The following HAT1 variants were observed in gnomAD, a reference collection of about 807,000 sequenced individuals.
HAT1 encodes the protein histone acetyltransferase type B catalytic subunit.
HAT1 carries 20 observed loss-of-function variants against 56.6 expected under a neutral mutation model. That is an observed-to-expected ratio of 0.35 (90% CI 0.25 to 0.51). The LOEUF is 0.51. Ranked by LOEUF, HAT1 falls within the 20% of genes least tolerant of loss-of-function variation. The pLI, the probability that HAT1 is intolerant of heterozygous loss-of-function variation, is 0.95. For missense variants in HAT1, 408 were observed against 504.3 expected (o/e 0.81, Z 1.83); for synonymous variants, 146 against 165.5 (o/e 0.88, Z 0.91).
intron 10 of HAT1, among the ~76,000 whole-genome samples, chr2:171,982,235 A>G (rs1489150198): frequency 1.3e-5 from 2 of 152,194 alleles, no homozygotes; most frequent in African/African-American, 4.8e-5. Context: ...GTGGTGGCTC[A>G]TGGCTGTAAT....
intron 9 of HAT1, among the ~76,000 whole-genome samples, chr2:171,977,551 ATATATATT>A (rs1193273773): frequency 7.4e-5 from 1 of 13,428 alleles, no homozygotes; most frequent in Non-Finnish European, 1.3e-4. Flanking sequence ...ATATATATAT[ATATATATT>A]TTTTTTTTTT....
intron 2 of HAT1, among the ~76,000 whole-genome samples, chr2:171,943,092 T>TA (rs1405512110): frequency 6.7e-6 from 1 of 150,374 alleles, no homozygotes; most frequent in East Asian, 2.0e-4. Context: ...TTTTTTTAAC[T>TA]ATTACAGGCA....
intron 4 of HAT1, among the ~76,000 whole-genome samples, chr2:171,954,992 G>C (rs1300582904): frequency 6.6e-6 from 1 of 152,188 alleles, no homozygotes; most frequent in Non-Finnish European, 1.5e-5. Flanking sequence ...CTAGAAGCTG[G>C]AAGAAGAAAG....
rs138864646 is a variant in HAT1 at position 171,944,924 on chromosome 2, C to T, written c.113-1784C>T. Among the ~76,000 whole-genome samples the T allele has an allele frequency of 8.9e-4, 136 of 152,090 alleles. 2 individuals carry two copies. The East Asian group carries it at 0.019, about 21-fold the overall frequency. ...TCTCGCTCGATCACCCAGGCTGGAG[C>T]GCAGTGGCACAATCTCAGCTCAATG... is the stretch of plus-strand genomic sequence containing the variant. On this transcript the variant is annotated intron_variant, in intron 2 of 10. Coordinates refer to ENST00000264108, the MANE Select transcript of HAT1 (RefSeq NM_003642.4).
At chr2:171,932,289 A>G (rs1233299008) in intron 2 of HAT1, among the ~76,000 whole-genome samples, 1 of 152,142 alleles carries the variant, frequency 6.6e-6, no homozygotes, top group Non-Finnish European at 1.5e-5. Context: ...CTGGCCTCAT[A>G]AAATGAGTTG....
chr2:171,930,519 G>A (rs1686715467), intron 2 of HAT1, among the ~76,000 whole-genome samples: 1 of 152,182 alleles, frequency 6.6e-6, no homozygotes, highest in Non-Finnish European at 1.5e-5. Flanking sequence ...TTTTATGTGT[G>A]TGCATGTGCA....
intron 1 of HAT1, chr2:171,924,712 TCTTC>T (rs1686537342): frequency 6.6e-6 from 1 of 152,236 alleles, no homozygotes; most frequent in Admixed American, 6.5e-5. Flanking sequence ...CCCCTGTTCC[TCTTC>T]CTTCTTTCTT....
chr2:171,934,661 A>G (rs1411151201), intron 2 of HAT1, among the ~76,000 whole-genome samples: 2 of 151,998 alleles, frequency 1.3e-5, no homozygotes, highest in African/African-American at 2.4e-5. Context: ...GCCCACTTCA[A>G]GTTAGTTCTC....
In HAT1 at chr2:171,966,913, T is replaced by C; in HGVS notation, c.787T>C (p.Tyr263His). The C allele has an allele frequency of 1.3e-6, 2 of 1,576,842 alleles. No homozygotes were observed. Among genetic ancestry groups the C allele is most frequent in the Non-Finnish European group, 1.7e-6 (2 of 1,147,186 alleles). ...GAQLLETVHRYYTEFPTVLDI... is the reference protein window; with the variant it reads ...GAQLLETVHRHYTEFPTVLDI... ...TCAACTTCTTGAAACAGTTCATAGA[T>C]ACTACACTGAATTTCCTACAGTTCT... is the stretch of plus-strand genomic sequence containing the variant. Residue 263 changes from tyrosine (Y) to histidine (H), a missense_variant, in exon 8 of 11, where the codon TAC becomes CAC. Coordinates refer to ENST00000264108, the MANE Select transcript of HAT1 (RefSeq NM_003642.4).
intron 8 of HAT1, among the ~76,000 whole-genome samples, chr2:171,971,575 G>C (rs1687817156): frequency 6.6e-6 from 1 of 152,054 alleles, no homozygotes; most frequent in Admixed American, 6.5e-5. Flanking sequence ...GAATTGCCTT[G>C]GTACTTTTCT....
intron 2 of HAT1, among the ~76,000 whole-genome samples, chr2:171,932,699 C>A (rs182386357): frequency 6.6e-6 from 1 of 151,994 alleles, no homozygotes; most frequent in African/African-American, 2.4e-5. Flanking sequence ...GAGATCTCAA[C>A]AATAAAATAA....
At chr2:171,950,950 C>T (rs1222105636) in intron 3 of HAT1, among the ~76,000 whole-genome samples, 1 of 152,072 alleles carries the variant, frequency 6.6e-6, no homozygotes. Flanking sequence ...GCTGGGGTTA[C>T]AGGCGCCTGC....
intron 9 of HAT1, among the ~76,000 whole-genome samples, chr2:171,977,159 C>T (rs112845775): frequency 1.3e-4 from 16 of 120,872 alleles, no homozygotes; most frequent in Non-Finnish European, 2.8e-4. Context: ...GGCGACCGAG[C>T]GAGACTCCAT....
At chr2:171,925,682 G>T (rs191209922) in intron 2 of HAT1, 41 bp downstream of exon 2, 18 of 823,726 alleles carry the variant, frequency 2.2e-5, no homozygotes, top group Non-Finnish European at 3.8e-5. Context: ...TACATACTGT[G>T]TGTGTATATA....
intron 4 of HAT1, among the ~76,000 whole-genome samples, chr2:171,956,452 C>T (rs578015064): frequency 2.7e-5 from 4 of 146,858 alleles, no homozygotes; most frequent in Non-Finnish European, 6.0e-5. Context: ...GTGAAGGTTG[C>T]AGTGAGCCAA....
intron 4 of HAT1, among the ~76,000 whole-genome samples, chr2:171,959,889 A>C (rs771907352): frequency 2.0e-5 from 3 of 152,228 alleles, no homozygotes; most frequent in Non-Finnish European, 4.4e-5. Flanking sequence ...TTATAATCTG[A>C]GGGTAAAGCT....
intron 4 of HAT1, among the ~76,000 whole-genome samples, chr2:171,955,209 A>C (rs1448203363): frequency 2.0e-5 from 3 of 152,250 alleles, no homozygotes; most frequent in African/African-American, 7.2e-5. Context: ...AATAACTAAA[A>C]ATGTAGAAGT....
intron 3 of HAT1, among the ~76,000 whole-genome samples, chr2:171,949,597 C>T (rs1279671929): frequency 6.6e-6 from 1 of 150,958 alleles, no homozygotes. Flanking sequence ...TTGCCTGAAC[C>T]TGGGAGGCAG....
At chr2:171,949,705 T>TG (rs1359592685) in intron 3 of HAT1, among the ~76,000 whole-genome samples, 1 of 151,472 alleles carries the variant, frequency 6.6e-6, no homozygotes, top group African/African-American at 2.4e-5. Flanking sequence ...TTTTAAGAGA[T>TG]GGGGGTCTTC....
Sources: allele counts gnomAD v4.1 joint callset (sites outside exome capture counted in the v4.1 genomes callset), GRCh38; gene constraint gnomAD v4.1.1; transcripts MANE v1.5; gene names NCBI Gene and HGNC (gene_info 2026-07-23, HGNC 2026-07-21).